EIF4A3: variants seen among roughly 807,000 people sequenced by gnomAD.
EIF4A3 encodes eukaryotic initiation factor 4A-III.
EIF4A3 carries 1 observed loss-of-function variant against 55.6 expected under a neutral mutation model. That is an observed-to-expected ratio of 0.02 (90% confidence interval 0.01 to 0.09). The LOEUF (loss-of-function observed/expected upper bound fraction) is 0.09, where lower values mean the gene tolerates loss of function less well. Among genes scored for constraint, EIF4A3 ranks in the 10% least tolerant of loss-of-function variants. EIF4A3 has a pLI of 1.00. For synonymous variants in EIF4A3, 194 were observed against 196.3 expected (o/e 0.99, Z 0.10); for missense variants, 221 against 540.7 (o/e 0.41, Z 5.86).
rs988280512 is a variant in EIF4A3, at chr17:80,146,714, G to T, written c.169+79C>A. The T allele has an allele frequency of 3.3e-6, 5 of 1,501,370 alleles. No individual in the cohort carries two copies. The African/African-American group carries it at 4.2e-5, about 13-fold the overall frequency. The allele number at this position is 1,501,370 out of a possible 1,614,324, so 93.0% of individuals were successfully genotyped here. ...CCTCCGGAGCGCAGGGCCGGCCCGGGAGTCACCAGTCTGGCCCTCAGCCCC... is the reference window on the plus strand; with the variant it reads ...CCTCCGGAGCGCAGGGCCGGCCCGGTAGTCACCAGTCTGGCCCTCAGCCCC... On this transcript the variant is annotated intron_variant, in intron 1 of 11. Coordinates refer to ENST00000649764, the MANE Select transcript of EIF4A3 (RefSeq NM_014740.4).
chr17:80,138,369 T>A, intron 7 of EIF4A3, 89 bp from the exon 8 acceptor site: 2 of 1,528,318 alleles, frequency 1.3e-6, no homozygotes, highest in Admixed American at 1.7e-5. Flanking sequence ...GAGACCCTGG[T>A]GGAAAAGGTC....
At chr17:80,141,465 GAA>G in intron 3 of EIF4A3, 84 bp from the exon 4 acceptor site, 4 of 1,323,182 alleles carry the variant, frequency 3.0e-6, no homozygotes, top group Non-Finnish European at 4.3e-6. Context: ...ATCTATATGA[GAA>G]ATACTATCTC....
At chr17:80,140,313 C>CTTTT (rs34707524) in intron 4 of EIF4A3, 173 bp from the exon 5 acceptor site, 7 of 419,784 alleles carry the variant, frequency 1.7e-5, no homozygotes, top group African/African-American at 5.0e-5. Flanking sequence ...GTTAATTTTG[C>CTTTT]TTTTTTTTTT....
chr17:80,146,189 G>A (rs1001562706), intron 1 of EIF4A3, among the ~76,000 whole-genome samples: 7 of 152,102 alleles, frequency 4.6e-5, no homozygotes, highest in African/African-American at 1.7e-4. Flanking sequence ...GCTGGCTAAG[G>A]GCTGCAAGGC....
At chr17:80,138,433 T>A in intron 7 of EIF4A3, 153 bp from the exon 8 acceptor site, 1 of 781,606 alleles carries the variant, frequency 1.3e-6, no homozygotes, top group South Asian at 1.7e-5. Context: ...CTCCATCCTA[T>A]CACCACTTCC....
In EIF4A3 at chr17:80,135,267, G is replaced by A; in HGVS notation, c.*223C>T. 1 of 464,370 alleles carries A rather than the reference G, an allele frequency of 2.2e-6. No homozygotes were observed. Among genetic ancestry groups the A allele is most frequent in the Non-Finnish European group, 3.8e-6 (1 of 264,950 alleles). The allele number at this position is 464,370 out of a possible 1,614,324, so 28.8% of individuals were successfully genotyped here. On this transcript the variant is annotated 3_prime_UTR_variant, in exon 12 of 12. Coordinates refer to ENST00000649764, the MANE Select transcript of EIF4A3 (RefSeq NM_014740.4). ...TAGAAGTATAGAGTTTATGGGAAAAGTTTTAAATTTTTAATGAAAAAGACT... is the reference window on the plus strand; with the variant it reads ...TAGAAGTATAGAGTTTATGGGAAAAATTTTAAATTTTTAATGAAAAAGACT...
intron 1 of EIF4A3, 45 bp downstream of exon 1, chr17:80,146,748 C>T: frequency 1.3e-6 from 2 of 1,584,588 alleles, no homozygotes; most frequent in Non-Finnish European, 8.5e-7. Flanking sequence ...CCCGGCTCGC[C>T]CCCGACTCGC....
At chr17:80,146,669 A>G (rs1417952475) in intron 1 of EIF4A3, 124 bp downstream of exon 1, 2 of 1,197,470 alleles carry the variant, frequency 1.7e-6, no homozygotes, top group Middle Eastern at 2.9e-4. Flanking sequence ...CTGGCCCCCG[A>G]GCCTCGACCC....
chr17:80,137,358 C>T (rs764965569), intron 9 of EIF4A3, 28 bp downstream of exon 9: 1 of 1,602,272 alleles, frequency 6.2e-7, no homozygotes, highest in South Asian at 1.1e-5. Context: ...AAACCCTGAC[C>T]TGCAGAGCCA....
intron 1 of EIF4A3, among the ~76,000 whole-genome samples, chr17:80,144,549 G>GT (rs1450988500): frequency 6.6e-6 from 1 of 151,948 alleles, no homozygotes; most frequent in Non-Finnish European, 1.5e-5. Flanking sequence ...ATCTGGAAGT[G>GT]TAAGTGCCAA....
rs79962374 is a variant in EIF4A3, at chr17:80,139,319, G to A, written c.587-157C>T. ...TTACAGCACCAGGCCACATCCACGC[G>A]TTCTCTCCGTCCCTACTCCCCGCCC... On this transcript the variant is annotated intron_variant, in intron 6 of 11. Coordinates refer to ENST00000649764, the MANE Select transcript of EIF4A3 (RefSeq NM_014740.4). 5.7e-3 allele frequency: 5,425 copies of A among 947,026 alleles called. 214 individuals carry two copies. The African/African-American group carries it at 0.08, about 14-fold the overall frequency. 58.7% of individuals were successfully genotyped at this position (947,026 alleles called of 1,614,324 possible). A position where few individuals can be genotyped will look rare whatever the true frequency, so the allele number is the denominator to read the frequency against.
In EIF4A3 at chr17:80,139,255, A is replaced by G. The variant is rs1427058693; in HGVS notation, c.587-93T>C. On this transcript the variant is annotated intron_variant, in intron 6 of 11. Transcript: ENST00000649764. ...CCAGTGTTCCCACTGGGTTAGAGGC[A>G]GAGTGGTGATAAGGTACGTTTGACA... The G allele has an allele frequency of 5.3e-6, 8 of 1,519,890 alleles. No individual in the cohort carries two copies. In the East Asian group the frequency reaches 1.4e-4, roughly 26 times the overall value. The allele number at this position is 1,519,890 out of a possible 1,614,324, so 94.2% of individuals were successfully genotyped here.
At chr17:80,138,761 T>A (rs1012104900) in intron 7 of EIF4A3, 9 of 445,368 alleles carry the variant, frequency 2.0e-5, no homozygotes, top group Non-Finnish European at 3.2e-5. Flanking sequence ...CCTACCTGGC[T>A]AATTTTTTAT....
At chr17:80,136,498 C>T in intron 9 of EIF4A3, 163 bp from the exon 10 acceptor site, 1 of 615,256 alleles carries the variant, frequency 1.6e-6, no homozygotes, top group Non-Finnish European at 2.9e-6. Flanking sequence ...TCAGGGACAG[C>T]ACCAGAAACC....
rs2039674812 is a variant in EIF4A3 at position 80,147,072 on chromosome 17, G to GCTGCCGACCTCGCTGTGCCT, written c.-112_-111insAGGCACAGCGAGGTCGGCAG. On this transcript the variant is annotated 5_prime_UTR_variant, in exon 1 of 12. Coordinates refer to ENST00000649764, the MANE Select transcript of EIF4A3 (RefSeq NM_014740.4). ...CTGCCGCTGCCGACCTCGCTGTGCC[G>GCTGCCGACCTCGCTGTGCCT]CTGCCGACCTCGCTGTGCCGCTGCC... The GCTGCCGACCTCGCTGTGCCT allele has an allele frequency of 7.3e-7, 1 of 1,375,750 alleles. No individual in the cohort carries two copies. Among genetic ancestry groups the GCTGCCGACCTCGCTGTGCCT allele is most frequent in the East Asian group, 3.0e-5 (1 of 32,980 alleles). 85.2% of individuals were successfully genotyped at this position (1,375,750 alleles called of 1,614,324 possible). A position where few individuals can be genotyped will look rare whatever the true frequency, so the allele number is the denominator to read the frequency against.
intron 3 of EIF4A3, 30 bp from the exon 4 acceptor site, chr17:80,141,411 A>G (rs771903153): frequency 4.4e-6 from 7 of 1,605,216 alleles, no homozygotes; most frequent in Non-Finnish European, 6.0e-6. Flanking sequence ...GAAAATAGAG[A>G]ATCCGCAGTA....
At chr17:80,136,684 C>T (rs183663012) in intron 9 of EIF4A3, 172 of 227,484 alleles carry the variant, frequency 7.6e-4, no homozygotes, top group African/African-American at 3.8e-3. Context: ...TAACTTCAGC[C>T]GGGCATGGCG....
intron 2 of EIF4A3, among the ~76,000 whole-genome samples, 164 bp downstream of exon 2, chr17:80,144,008 G>C (rs77357275): frequency 0.021 from 3,206 of 152,198 alleles, 88 homozygotes; most frequent in South Asian, 0.11. Flanking sequence ...TTCCACAGTA[G>C]AGAACACAAA....
At chr17:80,138,804 C>T (rs555405388) in intron 7 of EIF4A3, 1 of 590,410 alleles carries the variant, frequency 1.7e-6, no homozygotes, top group Admixed American at 3.1e-5. Context: ...ATATGTTGCC[C>T]AGCCTATTTG....
Sources: allele counts gnomAD v4.1 joint callset (sites outside exome capture counted in the v4.1 genomes callset), GRCh38; gene constraint gnomAD v4.1.1; transcripts MANE v1.5; gene names NCBI Gene and HGNC (gene_info 2026-07-23, HGNC 2026-07-21).